Variants in IL1RAPL2 observed in about 807,000 individuals in gnomAD.
The protein encoded by IL1RAPL2 is X-linked interleukin-1 receptor accessory protein-like 2.
Under a neutral mutation model 44.1 loss-of-function variants are expected in IL1RAPL2, and 3 were observed. The observed-to-expected ratio is 0.07, with a 90% CI of 0.03 to 0.18. The LOEUF is 0.18. Ranked by LOEUF, IL1RAPL2 falls within the 10% of genes least tolerant of loss-of-function variation. IL1RAPL2 has a pLI of 1.00. For synonymous variants in IL1RAPL2, 181 were observed against 178.8 expected, an observed-to-expected ratio of 1.01 and a Z score of -0.10; for missense variants, 391 against 496.4, an observed-to-expected ratio of 0.79 and a Z score of 2.02.
intron 2 of IL1RAPL2, among the ~76,000 whole-genome samples, chrX:104,905,621 T>C (rs1466947551): frequency 2.7e-5 from 3 of 111,439 alleles, no homozygotes; most frequent in South Asian, 3.8e-4. Context: ...TGTAGATATG[T>C]GGTGTTATTT....
At chrX:105,258,601 C>T (rs914195984) in intron 4 of IL1RAPL2, among the ~76,000 whole-genome samples, 17 of 111,787 alleles carry the variant, frequency 1.5e-4, no homozygotes, top group African/African-American at 5.2e-4. Flanking sequence ...TTACATAATC[C>T]CATATTTCTT....
intron 2 of IL1RAPL2, among the ~76,000 whole-genome samples, chrX:104,871,022 C>T (rs1222058844): frequency 9.1e-6 from 1 of 110,390 alleles, no homozygotes; most frequent in Non-Finnish European, 1.9e-5. Flanking sequence ...ACTCTGAAAG[C>T]ATTTTCAGAT....
At chrX:105,632,579 C>A (rs1271636002) in intron 6 of IL1RAPL2, among the ~76,000 whole-genome samples, 2 of 111,448 alleles carry the variant, frequency 1.8e-5, no homozygotes, top group African/African-American at 6.5e-5. Flanking sequence ...TCTTTTGCCC[C>A]CATACAGACG....
At chrX:104,804,506 T>A (rs908407537) in intron 2 of IL1RAPL2, 5 of 111,469 alleles carry the variant, frequency 4.5e-5, no homozygotes, top group African/African-American at 6.5e-5. Flanking sequence ...CTAAAGAAAA[T>A]GCCCAGGACA....
At chrX:105,596,267 T>C (rs1030337244) in intron 6 of IL1RAPL2, among the ~76,000 whole-genome samples, 7 of 110,994 alleles carry the variant, frequency 6.3e-5, no homozygotes, top group African/African-American at 2.3e-4. Flanking sequence ...GTTTTTTTAA[T>C]GTAGGTATGC....
chrX:104,943,646 A>C (rs1176335322), intron 2 of IL1RAPL2, among the ~76,000 whole-genome samples: 5 of 111,245 alleles, frequency 4.5e-5, no homozygotes, highest in Non-Finnish European at 9.4e-5. Context: ...CTTTGTTCAT[A>C]AGTCTTCTTC....
At chrX:104,701,313 A>G (rs916675342) in intron 2 of IL1RAPL2, among the ~76,000 whole-genome samples, 1 of 111,901 alleles carries the variant, frequency 8.9e-6, no homozygotes, top group Non-Finnish European at 1.9e-5. Context: ...AAACTGAGGT[A>G]CAGAAAGGTC....
chrX:105,342,898 A>G (rs1470395209), intron 5 of IL1RAPL2, among the ~76,000 whole-genome samples: 2 of 111,706 alleles, frequency 1.8e-5, no homozygotes, highest in East Asian at 5.6e-4. Flanking sequence ...ATGAATTTTG[A>G]AAATTCCTAC....
intron 2 of IL1RAPL2, among the ~76,000 whole-genome samples, chrX:104,783,024 A>G (rs910971881): frequency 8.9e-6 from 1 of 112,020 alleles, no homozygotes; most frequent in Non-Finnish European, 1.9e-5. Context: ...GGATTTGGGC[A>G]TTAAAAGTTC....
At chrX:104,585,265 A>C (rs3899953) in intron 1 of IL1RAPL2, among the ~76,000 whole-genome samples, 1,175 of 24,366 alleles carry the variant, frequency 0.048, 41 homozygotes, top group Non-Finnish European at 0.059. Context: ...ATATATATAT[A>C]ATATATTATA....
chrX:105,615,273 G>A (rs1374472579), intron 6 of IL1RAPL2, among the ~76,000 whole-genome samples: 2 of 101,254 alleles, frequency 2.0e-5, no homozygotes, highest in Non-Finnish European at 4.4e-5. Context: ...CAGTTTGGGG[G>A]TTTCTCAATA....
rs190244401 is a variant in IL1RAPL2 at position 105,303,050 on chromosome X, C to A, written c.697+35509C>A. Among the ~76,000 whole-genome samples, 912 of 111,628 alleles carry A rather than the reference C, an allele frequency of 8.2e-3. 5 individuals carry two copies. Among genetic ancestry groups the A allele is most frequent in the Non-Finnish European group, 0.014 (765 of 53,112 alleles). On this transcript the variant is annotated intron_variant, in intron 5 of 10. Coordinates refer to ENST00000372582, the MANE Select transcript of IL1RAPL2 (RefSeq NM_017416.2). ...TGAATTCCAATGCAAAGTCCACAAT[C>A]ACTGCACTCTCCTCCCCAAACCACT...
intron 6 of IL1RAPL2, among the ~76,000 whole-genome samples, chrX:105,660,499 G>T (rs776445904): frequency 9.0e-6 from 1 of 111,315 alleles, no homozygotes; most frequent in East Asian, 2.8e-4. Flanking sequence ...TGGAATTGTG[G>T]TATGTTAACT....
chrX:105,109,795 G>T (rs1200618643), intron 2 of IL1RAPL2, among the ~76,000 whole-genome samples: 3 of 112,326 alleles, frequency 2.7e-5, no homozygotes, highest in Non-Finnish European at 5.6e-5. Flanking sequence ...GAATTAATGA[G>T]AATAATATAA....
intron 7 of IL1RAPL2, among the ~76,000 whole-genome samples, chrX:105,721,203 G>C (rs1271339445): frequency 1.8e-5 from 2 of 111,170 alleles, no homozygotes; most frequent in Non-Finnish European, 3.8e-5. Flanking sequence ...ATCACCTGAG[G>C]TCAGGAGTTC....
intron 3 of IL1RAPL2, among the ~76,000 whole-genome samples, chrX:105,210,279 C>T (rs1469996926): frequency 2.7e-5 from 3 of 111,582 alleles, no homozygotes; most frequent in Non-Finnish European, 5.6e-5. Flanking sequence ...TTTCTGTGAA[C>T]ATTTAATTAC....
rs890322678 is a variant in IL1RAPL2, at chrX:105,600,971, G to A, written c.773-116396G>A. On this transcript the variant is annotated intron_variant, in intron 6 of 10. Coordinates refer to ENST00000372582, the MANE Select transcript of IL1RAPL2 (RefSeq NM_017416.2). The stretch of plus-strand genomic sequence containing the variant: ...TGAATGAAATCTGATGGTTTAAAAT[G>A]TTATTTCATTGCTGTTCTTTTCGCA... Among the ~76,000 whole-genome samples, 5 of 111,504 alleles carry A rather than the reference G, an allele frequency of 4.5e-5. No homozygotes were observed. In the East Asian group the frequency reaches 1.4e-3, roughly 31 times the overall value.
intron 2 of IL1RAPL2, among the ~76,000 whole-genome samples, chrX:104,819,492 A>G (rs923573911): frequency 8.9e-6 from 1 of 112,144 alleles, no homozygotes; most frequent in Non-Finnish European, 1.9e-5. Flanking sequence ...AATTTTTTTT[A>G]TATCATGGGA....
intron 2 of IL1RAPL2, among the ~76,000 whole-genome samples, chrX:105,079,869 C>T (rs1174356160): frequency 1.8e-5 from 2 of 111,041 alleles, no homozygotes; most frequent in African/African-American, 6.5e-5. Flanking sequence ...TCTGTTGTTT[C>T]CTGACTTTTT....
Sources: allele counts gnomAD v4.1 joint callset (sites outside exome capture counted in the v4.1 genomes callset), GRCh38; gene constraint gnomAD v4.1.1; transcripts MANE v1.5; gene names NCBI Gene and HGNC (gene_info 2026-07-23, HGNC 2026-07-21).